Variants in SLC41A1 observed in about 807,000 individuals in gnomAD.
The protein encoded by SLC41A1 is solute carrier family 41 member 1.
A neutral mutation model predicts 47.3 loss-of-function variants in SLC41A1; 20 were observed. The observed-to-expected ratio is 0.42, with a 90% CI of 0.30 to 0.61. The LOEUF is 0.61. Among genes scored for constraint, SLC41A1 ranks in the 20% least tolerant of loss-of-function variants. The pLI is 0.17. For synonymous variants in SLC41A1, 282 were observed against 272.7 expected (o/e 1.03, Z -0.34); for missense variants, 504 against 674.1 (o/e 0.75, Z 2.79).
rs1407830595 is a variant in SLC41A1, at chr1:205,798,068, C to A, written c.845-17G>T. On this transcript the variant is annotated splice_polypyrimidine_tract_variant and intron_variant, in intron 6 of 10. Transcript: ENST00000367137. ...GCCAGTGATCTGAGAGGGCAGAGGT[C>A]AGAAGGAGATAAGCACTGTGTTTCC... 1.2e-6 allele frequency: 2 copies of A among 1,614,182 alleles called. No homozygotes were observed. Among genetic ancestry groups the A allele is most frequent in the Non-Finnish European group, 1.7e-6 (2 of 1,180,028 alleles).
At chr1:205,804,680 A>G (rs1655973477) in intron 2 of SLC41A1, among the ~76,000 whole-genome samples, 1 of 152,060 alleles carries the variant, frequency 6.6e-6, no homozygotes, top group Admixed American at 6.6e-5. Context: ...CCAGCTCCAG[A>G]GAGGGGAAAA....
At chr1:205,797,266 G>A (rs1474451997) in intron 7 of SLC41A1, among the ~76,000 whole-genome samples, 4 of 152,198 alleles carry the variant, frequency 2.6e-5, no homozygotes, top group Admixed American at 1.3e-4. Flanking sequence ...TAAGTTGGCC[G>A]GAGGAGCAGC....
chr1:205,799,171 C>G, intron 4 of SLC41A1, 70 bp from the exon 5 acceptor site: 1 of 1,600,556 alleles, frequency 6.2e-7, no homozygotes, highest in Non-Finnish European at 8.5e-7. Flanking sequence ...TCATAAGCAT[C>G]TGGGCAGACC....
At chr1:205,808,049 G>A (rs898992028) in intron 2 of SLC41A1, among the ~76,000 whole-genome samples, 5 of 151,504 alleles carry the variant, frequency 3.3e-5, no homozygotes, top group African/African-American at 1.2e-4. Context: ...TCCACTTCTC[G>A]GGCTCAAATG....
chr1:205,809,642 G>A (rs1252284695), intron 2 of SLC41A1, among the ~76,000 whole-genome samples: 1 of 152,152 alleles, frequency 6.6e-6, no homozygotes, highest in Non-Finnish European at 1.5e-5. Context: ...GGGGGATGGA[G>A]GAGAGGCTTG....
chr1:205,798,831 G>A lies in SLC41A1; in HGVS notation c.698-16C>T. On this transcript the variant is annotated splice_polypyrimidine_tract_variant and intron_variant, in intron 5 of 10. Transcript: ENST00000367137. ...ATGATCATACCTGGTGAGCAAGTGGGAGGAGGGGCAGGCAGGGTGAGAAGA... is the reference window on the plus strand; with the variant it reads ...ATGATCATACCTGGTGAGCAAGTGGAAGGAGGGGCAGGCAGGGTGAGAAGA... 6.2e-7 allele frequency: 1 copy of A among 1,614,216 alleles called. No individual in the cohort carries two copies. Among genetic ancestry groups the A allele is most frequent in the South Asian group, 1.1e-5 (1 of 91,082 alleles).
At chr1:205,794,247 T>C (rs1412816078) in intron 10 of SLC41A1, among the ~76,000 whole-genome samples, 2 of 152,366 alleles carry the variant, frequency 1.3e-5, no homozygotes, top group Non-Finnish European at 1.5e-5. Context: ...CCTAAAGTTA[T>C]GCAAAATGTT....
chr1:205,802,160 C>T (rs139316367), intron 2 of SLC41A1, among the ~76,000 whole-genome samples: 134 of 151,938 alleles, frequency 8.8e-4, no homozygotes, highest in African/African-American at 3.0e-3. Context: ...GGAGGCCAGG[C>T]GGATATATAT....
At position 205,810,016 on chromosome 1, in the gene SLC41A1, C is replaced by A. The variant is rs539966562; in HGVS notation, c.372+54G>T. 3.7e-6 allele frequency: 6 copies of A among 1,612,264 alleles called. No individual in the cohort carries two copies. In the Admixed American group the frequency reaches 8.4e-5, roughly 22 times the overall value. ...AGAGAGGAAGTTCCAAGTTTCCCAG[C>A]AGGCAAAGGTGGCCCTGGGCTCACA... On this transcript the variant is annotated intron_variant, in intron 2 of 10. Coordinates refer to ENST00000367137, the MANE Select transcript of SLC41A1 (RefSeq NM_173854.6). This position sits in a 1 kb window ranked among gnomAD's most constrained non-coding sequence, Gnocchi z 5.5.
intron 1 of SLC41A1, among the ~76,000 whole-genome samples, chr1:205,812,431 A>G (rs1052217915): frequency 8.5e-5 from 13 of 152,142 alleles, no homozygotes; most frequent in Admixed American, 7.8e-4. Context: ...CAGTGCCCCT[A>G]TGCCAGAAAA....
intron 4 of SLC41A1, 43 bp from the exon 5 acceptor site, chr1:205,799,144 G>C: frequency 6.2e-7 from 1 of 1,610,474 alleles, no homozygotes; most frequent in Non-Finnish European, 8.5e-7. Flanking sequence ...GAGAGCAGTG[G>C]GCTTCCTAAG....
At chr1:205,811,740 C>A (rs1437011283) in intron 1 of SLC41A1, among the ~76,000 whole-genome samples, 1 of 152,224 alleles carries the variant, frequency 6.6e-6, no homozygotes, top group Non-Finnish European at 1.5e-5. Context: ...CCCACTCCTG[C>A]CCTTGAGAGT....
chr1:205,789,878 A>C lies in SLC41A1; in HGVS notation c.*1655T>G, dbSNP rs1055942788. ...GGAAGGGTTTCTGTAGAAGCTTCTG[A>C]GAGAGAAGTTAGAAAAAGCCTACAT... is the stretch of plus-strand genomic sequence containing the variant. On this transcript the variant is annotated 3_prime_UTR_variant, in exon 11 of 11. Coordinates refer to ENST00000367137, the MANE Select transcript of SLC41A1 (RefSeq NM_173854.6). 2 of 152,164 alleles carry C rather than the reference A, an allele frequency of 1.3e-5. No homozygotes were observed. The highest frequency in any genetic ancestry group is 4.8e-5 in the African/African-American group (2 of 41,436). The allele number at this position is 152,164 out of a possible 1,614,324, so 9.4% of individuals were successfully genotyped here. A position where few individuals can be genotyped will look rare whatever the true frequency, so the allele number is the denominator to read the frequency against.
Position 205,794,945 on chromosome 1 carries a change from G to C in SLC41A1, c.1281C>G (p.Ile427Met). 1.9e-6 allele frequency: 3 copies of C among 1,614,120 alleles called. No homozygotes were observed. The highest frequency in any genetic ancestry group is 2.5e-6 in the Non-Finnish European group (3 of 1,180,002). The change falls in exon 10 of 11, where the codon ATC becomes ATG. Residue 427 changes from isoleucine to methionine, a missense_variant. Coordinates refer to ENST00000367137, the MANE Select transcript of SLC41A1 (RefSeq NM_173854.6). ...TGGTGTGCCCGCCCTGCATACAGCT[G>C]ATGGTGTAGAGGAACACCAGGTGTC... ...VPGHLVFLYTISCMQGGHTTL... is the reference protein window; with the variant it reads ...VPGHLVFLYTMSCMQGGHTTL...
Position 205,801,965 on chromosome 1 carries a change from A to G in SLC41A1, c.373-905T>C, listed in dbSNP as rs1055143513. Reference sequence around the variant, plus strand: ...GGGTTCAGACAGTATTCCACTAGTTAGTGCTAAGAGGACTGCAGGAACCAG... The same window carrying G: ...GGGTTCAGACAGTATTCCACTAGTTGGTGCTAAGAGGACTGCAGGAACCAG... On this transcript the variant is annotated intron_variant, in intron 2 of 10. Transcript: ENST00000367137. Among the ~76,000 whole-genome samples the G allele has an allele frequency of 3.3e-5, 5 of 152,336 alleles. No homozygotes were observed. In the East Asian group the frequency reaches 9.6e-4, roughly 29 times the overall value.
Position 205,810,624 on chromosome 1 carries a change from C to A in SLC41A1, c.-183G>T. On this transcript the variant is annotated 5_prime_UTR_variant, in exon 2 of 11. An upstream start codon of the reference 5' UTR is lost. Transcript: ENST00000367137. The surrounding 1 kb of genome is among the most constrained non-coding windows in gnomAD (Gnocchi z 5.5). The stretch of plus-strand genomic sequence containing the variant: ...AAACTGATCCACCAACAGGCAGCCC[C>A]ATCAAGCACTGAAGCCGCAAGCTGG... 1.2e-6 allele frequency: 1 copy of A among 852,320 alleles called. No homozygotes were observed. The highest frequency in any genetic ancestry group is 1.8e-6 in the Non-Finnish European group (1 of 556,624). The allele number at this position is 852,320 out of a possible 1,614,324, so 52.8% of individuals were successfully genotyped here. A position where few individuals can be genotyped will look rare whatever the true frequency, so the allele number is the denominator to read the frequency against.
rs943130268 is a variant in SLC41A1 at position 205,801,147 on chromosome 1, G to A, written c.373-87C>T. Reference sequence around the variant, plus strand: ...ACAGGTAGTCTGAGATCAGGGGCTCGAGGAGGAAATAGAATCAGCAGGGAG... The same window carrying A: ...ACAGGTAGTCTGAGATCAGGGGCTCAAGGAGGAAATAGAATCAGCAGGGAG... On this transcript the variant is annotated intron_variant, in intron 2 of 10. Coordinates refer to ENST00000367137, the MANE Select transcript of SLC41A1 (RefSeq NM_173854.6). The A allele has an allele frequency of 8.1e-5, 86 of 1,066,646 alleles. No homozygotes were observed. The African/African-American group carries it at 1.2e-3, about 15-fold the overall frequency. 66.1% of individuals were successfully genotyped at this position (1,066,646 alleles called of 1,614,324 possible).
chr1:205,794,155 C>T (rs1169115219), intron 10 of SLC41A1, among the ~76,000 whole-genome samples: 3 of 78,306 alleles, frequency 3.8e-5, no homozygotes, highest in African/African-American at 8.7e-5. Context: ...CGCACACACA[C>T]ACACGAGTGC....
Position 205,791,395 on chromosome 1 carries a change from T to G in SLC41A1, c.*138A>C. 9.0e-7 allele frequency: 1 copy of G among 1,108,478 alleles called. No individual in the cohort carries two copies. Among genetic ancestry groups the G allele is most frequent in the South Asian group, 1.4e-5 (1 of 73,814 alleles). 68.7% of individuals were successfully genotyped at this position (1,108,478 alleles called of 1,614,324 possible). ...TTGGCTCAATGTATAAAAATTCCCATTGAAAATAATGAGAATTTGGTATCA... is the reference window on the plus strand; with the variant it reads ...TTGGCTCAATGTATAAAAATTCCCAGTGAAAATAATGAGAATTTGGTATCA... On this transcript the variant is annotated 3_prime_UTR_variant, in exon 11 of 11. Transcript: ENST00000367137. The surrounding 1 kb of genome is among the most constrained non-coding windows in gnomAD (Gnocchi z 4.0).
Sources: allele counts gnomAD v4.1 joint callset (sites outside exome capture counted in the v4.1 genomes callset), GRCh38; gene constraint gnomAD v4.1.1; non-coding constraint Gnocchi (gnomAD v3.1); transcripts MANE v1.5; gene names NCBI Gene and HGNC (gene_info 2026-07-23, HGNC 2026-07-21).